Variants in CADPS observed in about 807,000 individuals in gnomAD.
The protein encoded by CADPS is calcium-dependent secretion activator 1.
Under a neutral mutation model 167.3 loss-of-function variants are expected in CADPS, and 57 were observed. That is an observed-to-expected ratio of 0.34 (90% CI 0.28 to 0.42). The LOEUF (loss-of-function observed/expected upper bound fraction) is 0.42, where lower values mean the gene tolerates loss of function less well. Ranked by LOEUF, CADPS falls within the 20% of genes least tolerant of loss-of-function variation. CADPS has a pLI of 1.00. For missense variants in CADPS, 1,414 were observed against 1,738.1 expected (o/e 0.81, Z 3.32); for synonymous variants, 676 against 635.3 (o/e 1.06, Z -0.96).
At chr3:62,715,753 C>CTTTTTTTTTTTTTTTTTTTTTT (rs71123291) in intron 3 of CADPS, among the ~76,000 whole-genome samples, 2 of 89,696 alleles carry the variant, frequency 2.2e-5, no homozygotes, top group East Asian at 3.9e-4. Flanking sequence ...GATTATAAAT[C>CTTTTTTTTTTTTTTTTTTTTTT]TTTTTTTTTT....
chr3:62,675,426 C>G (rs1480981934), intron 3 of CADPS, among the ~76,000 whole-genome samples: 1 of 152,082 alleles, frequency 6.6e-6, no homozygotes, highest in Non-Finnish European at 1.5e-5. Flanking sequence ...ACTTCTACAA[C>G]TAATTTAAAC....
intron 10 of CADPS, among the ~76,000 whole-genome samples, chr3:62,553,289 G>C (rs1405071625): frequency 2.6e-5 from 4 of 152,204 alleles, no homozygotes. Flanking sequence ...CCACTGTGCA[G>C]TTATTTAGAG....
chr3:62,870,592 C>G, intron 1 of CADPS, among the ~76,000 whole-genome samples: 1 of 152,084 alleles, frequency 6.6e-6, no homozygotes, highest in Non-Finnish European at 1.5e-5. Flanking sequence ...GACATTTGTC[C>G]TCTTGAATGA....
intron 3 of CADPS, among the ~76,000 whole-genome samples, chr3:62,738,230 C>T (rs1037712830): frequency 6.6e-6 from 1 of 152,134 alleles, no homozygotes; most frequent in African/African-American, 2.4e-5. Flanking sequence ...AAAGCAGTGC[C>T]TGCCCATTTC....
At chr3:62,645,940 A>G (rs2068456914) in intron 5 of CADPS, 97 bp from the exon 6 acceptor site, 1 of 1,383,776 alleles carries the variant, frequency 7.2e-7, no homozygotes, top group Non-Finnish European at 1.0e-6. Context: ...AGAGAAAACC[A>G]ACAGGTATCT....
chr3:62,686,919 C>T (rs959357782), intron 3 of CADPS, among the ~76,000 whole-genome samples: 1 of 152,056 alleles, frequency 6.6e-6, no homozygotes, highest in Non-Finnish European at 1.5e-5. Context: ...TACATGTATC[C>T]TTTGTTCCTC....
chr3:62,824,777 G>T (rs1351949041), intron 1 of CADPS, among the ~76,000 whole-genome samples: 1 of 152,050 alleles, frequency 6.6e-6, no homozygotes. Context: ...AATAGCCCAG[G>T]GACTGAAATA....
intron 18 of CADPS, among the ~76,000 whole-genome samples, chr3:62,495,504 A>G (rs1697771409): frequency 6.6e-6 from 1 of 152,170 alleles, no homozygotes; most frequent in Admixed American, 6.5e-5. Flanking sequence ...AGTCTTATAA[A>G]CCTTTTCCAA....
intron 3 of CADPS, among the ~76,000 whole-genome samples, chr3:62,730,279 T>A (rs957913717): frequency 6.6e-6 from 1 of 152,162 alleles, no homozygotes; most frequent in South Asian, 2.1e-4. Context: ...TGTGTGACAA[T>A]GCCTGGGGAC....
intron 1 of CADPS, among the ~76,000 whole-genome samples, chr3:62,770,478 T>A (rs573629291): frequency 1.2e-4 from 18 of 152,260 alleles, no homozygotes; most frequent in Admixed American, 4.6e-4. Context: ...CAGGCTGGAG[T>A]GCAGTGGTGC....
At position 62,602,693 on chromosome 3, in the gene CADPS, T is replaced by C. The variant is rs1035322204; in HGVS notation, c.1326-9945A>G. Reference sequence around the variant, plus strand: ...AAGTGAGGCGTTTGCTTTGTAGAAATTGGGCTGTCTGGGAGGCAGAGATGA... The same window carrying C: ...AAGTGAGGCGTTTGCTTTGTAGAAACTGGGCTGTCTGGGAGGCAGAGATGA... On this transcript the variant is annotated intron_variant, in intron 6 of 29. Transcript: ENST00000383710. This position sits in a 1 kb window ranked among gnomAD's most constrained non-coding sequence, Gnocchi z 4.4. 2.6e-5 allele frequency among the ~76,000 whole-genome samples: 4 copies of C among 152,160 alleles called. No individual in the cohort carries two copies. The highest frequency in any genetic ancestry group is 7.2e-5 in the African/African-American group (3 of 41,442).
chr3:62,528,509 A>G (rs2072868193), intron 13 of CADPS, among the ~76,000 whole-genome samples: 1 of 152,238 alleles, frequency 6.6e-6, no homozygotes, highest in South Asian at 2.1e-4. Context: ...TGCACCTTCG[A>G]AAACATTTTT....
Position 62,491,453 on chromosome 3 carries a change from T to G in CADPS, c.2912A>C (p.Lys971Thr). The change falls in exon 21 of 30, where the codon AAA (lysine) becomes ACA (threonine). Residue 971 changes from lysine to threonine, a missense_variant. Transcript: ENST00000383710. ...DYNLCNGKFH[K>T]HLQDLFAPLV... ...TGGGGCAAACAGGTCTTGCAGGTGT[T>G]TGTGAAATTTTCCATTGCACAAATT... 2 of 1,613,918 alleles carry G rather than the reference T, an allele frequency of 1.2e-6. No homozygotes were observed. Among genetic ancestry groups the G allele is most frequent in the Non-Finnish European group, 1.7e-6 (2 of 1,179,964 alleles).
intron 3 of CADPS, among the ~76,000 whole-genome samples, chr3:62,697,259 C>T (rs1399163885): frequency 1.5e-5 from 2 of 130,182 alleles, no homozygotes; most frequent in African/African-American, 5.2e-5. Flanking sequence ...TATCCCTCAC[C>T]CCCTCCCCAT....
At chr3:62,592,835 AG>A (rs2086358860) in intron 6 of CADPS, 87 bp from the exon 7 acceptor site, 3 of 925,414 alleles carry the variant, frequency 3.2e-6, no homozygotes, top group Middle Eastern at 2.2e-4. Context: ...AGGTGAATGC[AG>A]GGTTAACCCA....
intron 6 of CADPS, among the ~76,000 whole-genome samples, chr3:62,613,291 A>T (rs538572099): frequency 6.6e-6 from 1 of 152,060 alleles, no homozygotes; most frequent in Non-Finnish European, 1.5e-5. Flanking sequence ...GAGTGTCTAA[A>T]TCCATTTGAT....
rs113218071 is a variant in CADPS at position 62,729,259 on chromosome 3, A to T, written c.888+24182T>A. ...GATTTTACTTGTTTCTCTGAGCATGATCACCCTCATAATGGAATGACTAAG... is the reference window on the plus strand; with the variant it reads ...GATTTTACTTGTTTCTCTGAGCATGTTCACCCTCATAATGGAATGACTAAG... On this transcript the variant is annotated intron_variant, in intron 3 of 29. Transcript: ENST00000383710. Among the ~76,000 whole-genome samples the T allele has an allele frequency of 5.9e-3, 902 of 151,930 alleles. 30 individuals carry two copies. Among genetic ancestry groups the T allele is most frequent in the African/African-American group, 0.02 (826 of 41,210 alleles).
chr3:62,771,078 T>C (rs1436548466), intron 1 of CADPS, among the ~76,000 whole-genome samples: 2 of 152,230 alleles, frequency 1.3e-5, no homozygotes, highest in Non-Finnish European at 2.9e-5. Context: ...CTTTTCATTA[T>C]CTATCTCTCT....
At chr3:62,486,257 T>A (rs1161687352) in intron 21 of CADPS, among the ~76,000 whole-genome samples, 2 of 152,042 alleles carry the variant, frequency 1.3e-5, no homozygotes, top group Non-Finnish European at 2.9e-5. Flanking sequence ...CCATCCTGGC[T>A]AACACGGTGA....
Sources: allele counts gnomAD v4.1 joint callset (sites outside exome capture counted in the v4.1 genomes callset), GRCh38; gene constraint gnomAD v4.1.1; non-coding constraint Gnocchi (gnomAD v3.1); transcripts MANE v1.5; gene names NCBI Gene and HGNC (gene_info 2026-07-23, HGNC 2026-07-21).